PTPRD: variants seen among roughly 807,000 people sequenced by gnomAD.
PTPRD encodes protein tyrosine phosphatase receptor type D.
A neutral mutation model predicts 214.5 loss-of-function variants in PTPRD; 34 were observed. That is an observed-to-expected ratio of 0.16 (90% CI 0.12 to 0.21). The LOEUF (loss-of-function observed/expected upper bound fraction) is 0.21. PTPRD is among the 10% of genes least tolerant of loss of function. The probability of loss-of-function intolerance (pLI) is 1.00; values close to 1 mark genes in which losing one functional copy is unlikely to be tolerated. For missense variants in PTPRD, 2,545 were observed against 2,398.7 expected, an observed-to-expected ratio of 1.06 and a Z score of -1.27; for synonymous variants, 1,128 against 845.7, an observed-to-expected ratio of 1.33 and a Z score of -5.79.
intron 2 of PTPRD, among the ~76,000 whole-genome samples, chr9:10,523,601 G>GTATGTATATATA (rs2053139062): frequency 4.7e-5 from 3 of 64,336 alleles, no homozygotes; most frequent in Admixed American, 1.9e-4. Context: ...ATATTTATCT[G>GTATGTATATATA]TATATATATA....
intron 12 of PTPRD, among the ~76,000 whole-genome samples, chr9:8,733,156 G>A (rs1337189291): frequency 6.6e-6 from 1 of 152,168 alleles, no homozygotes; most frequent in Non-Finnish European, 1.5e-5. Flanking sequence ...GACCACAATA[G>A]CAGTTTCATA....
chr9:10,011,245 A>G (rs1164174140), intron 4 of PTPRD, among the ~76,000 whole-genome samples: 1 of 151,888 alleles, frequency 6.6e-6, no homozygotes, highest in Non-Finnish European at 1.5e-5. Context: ...AATACTAAAA[A>G]CTGAAGATCT....
At chr9:10,006,006 G>A (rs10978162) in intron 4 of PTPRD, among the ~76,000 whole-genome samples, 33,717 of 151,882 alleles carry the variant, frequency 0.22, 4,682 homozygotes, top group South Asian at 0.3. Context: ...GGCAGGGCAT[G>A]CAATTATAAA....
At chr9:10,252,301 C>T (rs10958978) in intron 3 of PTPRD, among the ~76,000 whole-genome samples, 87,418 of 151,874 alleles carry the variant, frequency 0.58, 27,181 homozygotes, top group East Asian at 0.73. Flanking sequence ...GCCACTCCTT[C>T]ATCTCCATCT....
At chr9:10,420,084 T>C (rs1009962009) in intron 2 of PTPRD, among the ~76,000 whole-genome samples, 13 of 151,708 alleles carry the variant, frequency 8.6e-5, no homozygotes, top group Admixed American at 1.3e-4. Flanking sequence ...GATAAAATAA[T>C]GACAATAATA....
chr9:9,104,191 G>A (rs1720488664), intron 10 of PTPRD, among the ~76,000 whole-genome samples: 2 of 152,170 alleles, frequency 1.3e-5, no homozygotes, highest in Non-Finnish European at 2.9e-5. Flanking sequence ...CTCTGCTGTT[G>A]TGGCATCAAA....
intron 2 of PTPRD, among the ~76,000 whole-genome samples, chr9:10,568,794 C>A (rs180872978): frequency 6.6e-6 from 1 of 152,074 alleles, no homozygotes; most frequent in Non-Finnish European, 1.5e-5. Context: ...AAGACTTAAA[C>A]GTTAGACCTA....
At chr9:8,728,102 T>G (rs1405578576) in intron 12 of PTPRD, among the ~76,000 whole-genome samples, 1 of 151,864 alleles carries the variant, frequency 6.6e-6, no homozygotes, top group East Asian at 1.9e-4. Context: ...ACAAAAAAAT[T>G]AGCCAGGTGT....
chr9:9,762,163 T>A (rs952469457), intron 6 of PTPRD, among the ~76,000 whole-genome samples: 1 of 152,194 alleles, frequency 6.6e-6, no homozygotes, highest in Non-Finnish European at 1.5e-5. Flanking sequence ...GTTGAAACTG[T>A]GGCAGTAGCC....
At chr9:8,529,371 A>G (rs1175247206) in intron 14 of PTPRD, among the ~76,000 whole-genome samples, 1 of 152,088 alleles carries the variant, frequency 6.6e-6, no homozygotes, top group Admixed American at 6.6e-5. Context: ...CAAATCGATT[A>G]CTTTGTAAGA....
chr9:9,327,405 T>A (rs1301990128), intron 9 of PTPRD, among the ~76,000 whole-genome samples: 3 of 152,108 alleles, frequency 2.0e-5, no homozygotes, highest in Admixed American at 1.3e-4. Flanking sequence ...TTCCAGTAAT[T>A]TTTTTCCATT....
chr9:8,972,358 C>T (rs2099243630), intron 11 of PTPRD, among the ~76,000 whole-genome samples: 2 of 151,866 alleles, frequency 1.3e-5, no homozygotes, highest in South Asian at 2.1e-4. Flanking sequence ...AAGACGTTAA[C>T]ACATCCTGAT....
At chr9:8,806,246 G>C (rs976230473) in intron 11 of PTPRD, among the ~76,000 whole-genome samples, 3 of 144,462 alleles carry the variant, frequency 2.1e-5, no homozygotes, top group African/African-American at 7.7e-5. Flanking sequence ...TTTTTTTTTG[G>C]TGGGGCGGGG....
intron 11 of PTPRD, among the ~76,000 whole-genome samples, chr9:8,763,108 T>C (rs868798905): frequency 6.6e-6 from 1 of 152,214 alleles, no homozygotes; most frequent in Non-Finnish European, 1.5e-5. Flanking sequence ...TTTTGGATGC[T>C]CTGCCAAAGA....
At chr9:10,151,019 T>G (rs1442931902) in intron 3 of PTPRD, among the ~76,000 whole-genome samples, 3 of 151,478 alleles carry the variant, frequency 2.0e-5, no homozygotes, top group Admixed American at 2.0e-4. Flanking sequence ...AGTATAATAT[T>G]TGGGTGTATG....
chr9:9,060,739 G>T (rs768353628), intron 10 of PTPRD, among the ~76,000 whole-genome samples: 7 of 152,000 alleles, frequency 4.6e-5, no homozygotes, highest in Non-Finnish European at 7.4e-5. Context: ...AATGAGAAAA[G>T]GCATTCACCG....
At chr9:9,380,430 T>C (rs2061884707) in intron 9 of PTPRD, among the ~76,000 whole-genome samples, 1 of 152,142 alleles carries the variant, frequency 6.6e-6, no homozygotes, top group Non-Finnish European at 1.5e-5. Flanking sequence ...GTACATGAGA[T>C]GTTTTGATAC....
intron 9 of PTPRD, among the ~76,000 whole-genome samples, chr9:9,328,549 C>T (rs866049943): frequency 6.7e-6 from 1 of 148,616 alleles, no homozygotes; most frequent in Admixed American, 6.7e-5. Context: ...ATTGAAATCT[C>T]ACAGAAATTA....
chr9:8,638,103 CTTTTTT>C (rs963311950), intron 12 of PTPRD, among the ~76,000 whole-genome samples: 2 of 127,034 alleles, frequency 1.6e-5, no homozygotes, highest in African/African-American at 5.8e-5. Context: ...GCTGTTCCTT[CTTTTTT>C]TTTTTTTTTT....
Sources: allele counts gnomAD v4.1 joint callset (sites outside exome capture counted in the v4.1 genomes callset), GRCh38; gene constraint gnomAD v4.1.1; transcripts MANE v1.5; gene names NCBI Gene and HGNC (gene_info 2026-07-23, HGNC 2026-07-21).